The following LRP12 variants were observed in gnomAD, a reference collection of about 807,000 sequenced individuals.
The protein encoded by LRP12 is LDL receptor related protein 12, also known as low-density lipoprotein receptor-related protein 12.
LRP12 carries 14 observed loss-of-function variants against 66.0 expected under a neutral mutation model. That is an observed-to-expected ratio of 0.21 (90% confidence interval 0.14 to 0.33). LRP12 has a LOEUF of 0.33. LRP12 is among the 10% of genes least tolerant of loss of function. The pLI is 1.00. For missense variants in LRP12, 889 were observed against 1,053.4 expected, an observed-to-expected ratio of 0.84 and a Z score of 2.16; for synonymous variants, 357 against 359.1, an observed-to-expected ratio of 0.99 and a Z score of 0.07.
intron 2 of LRP12, among the ~76,000 whole-genome samples, chr8:104,516,108 TTAGATA>T (rs1234612944): frequency 6.6e-6 from 1 of 152,160 alleles, no homozygotes; most frequent in Non-Finnish European, 1.5e-5. Context: ...TGAGTTATCT[TTAGATA>T]TAAACAAATA....
chr8:104,580,454 C>G (rs563877386), intron 1 of LRP12, among the ~76,000 whole-genome samples: 1 of 151,448 alleles, frequency 6.6e-6, no homozygotes, highest in Admixed American at 6.6e-5. Context: ...GGCATGAACC[C>G]GCGAGGCGGG....
chr8:104,576,993 A>T (rs1311928689), intron 1 of LRP12, among the ~76,000 whole-genome samples: 1 of 152,214 alleles, frequency 6.6e-6, no homozygotes, highest in Non-Finnish European at 1.5e-5. Context: ...GAAAAAGACA[A>T]AGAAGAACAT....
At chr8:104,547,061 ACT>A (rs1362220591) in intron 1 of LRP12, among the ~76,000 whole-genome samples, 2 of 144,222 alleles carry the variant, frequency 1.4e-5, no homozygotes, top group Non-Finnish European at 3.0e-5. Context: ...ATTATATCAT[ACT>A]TTGTATACAA....
chr8:104,534,492 T>C (rs1811368086), intron 1 of LRP12, among the ~76,000 whole-genome samples: 1 of 152,034 alleles, frequency 6.6e-6, no homozygotes, highest in African/African-American at 2.4e-5. Flanking sequence ...GAACAGAATA[T>C]ATAGTTCATT....
intron 3 of LRP12, chr8:104,505,704 C>T (rs1340073784): frequency 6.6e-6 from 1 of 152,004 alleles, no homozygotes; most frequent in Non-Finnish European, 1.5e-5. Flanking sequence ...CATCTAGCTT[C>T]CTGTCTTTTT....
chr8:104,547,581 T>TA (rs1811602627), intron 1 of LRP12, among the ~76,000 whole-genome samples: 2 of 121,218 alleles, frequency 1.6e-5, no homozygotes, highest in Admixed American at 9.6e-5. Context: ...TTATTATATA[T>TA]TAATATATAA....
At chr8:104,587,258 C>T (rs1812348430) in intron 1 of LRP12, among the ~76,000 whole-genome samples, 1 of 152,190 alleles carries the variant, frequency 6.6e-6, no homozygotes, top group Non-Finnish European at 1.5e-5. Context: ...AGATACCTCT[C>T]AATTTCTTCT....
rs1430517605 is a variant in LRP12, at chr8:104,588,916, G to C, written c.-19C>G. On this transcript the variant is annotated 5_prime_UTR_variant, in exon 1 of 7. Transcript: ENST00000276654. ...AGGCCATAACCACAGCAGATGGAGA[G>C]AGAGAGGAGGAGACGGAGGAGGAGG... is the stretch of plus-strand genomic sequence containing the variant. The C allele has an allele frequency of 1.3e-6, 2 of 1,579,206 alleles. No individual in the cohort carries two copies. The highest frequency in any genetic ancestry group is 1.1e-5 in the South Asian group (1 of 87,262).
chr8:104,527,051 C>G (rs1334202710), intron 2 of LRP12, among the ~76,000 whole-genome samples: 294 of 149,364 alleles, frequency 2.0e-3, no homozygotes, highest in African/African-American at 7.2e-3. Flanking sequence ...CAAAAGAAGA[C>G]ATTTATGCAG....
intron 1 of LRP12, among the ~76,000 whole-genome samples, chr8:104,536,265 T>C (rs1468221290): frequency 6.6e-6 from 1 of 152,122 alleles, no homozygotes; most frequent in Non-Finnish European, 1.5e-5. Context: ...CTCTTGCCTT[T>C]GGATTTTCAT....
intron 3 of LRP12, chr8:104,504,243 C>T (rs895512996): frequency 6.6e-6 from 1 of 152,074 alleles, no homozygotes; most frequent in Non-Finnish European, 1.5e-5. Context: ...TTTATCTTCT[C>T]TTTTTCTTCA....
chr8:104,542,669 G>A lies in LRP12; in HGVS notation c.80-10706C>T, dbSNP rs369736560. On this transcript the variant is annotated intron_variant, in intron 1 of 6. Coordinates refer to ENST00000276654, the MANE Select transcript of LRP12 (RefSeq NM_013437.5). ...TTCCCCCAAAACATAACTTCTAGGAGCCTATTGCTGACTGGAGGCCTTACC... is the reference window on the plus strand; with the variant it reads ...TTCCCCCAAAACATAACTTCTAGGAACCTATTGCTGACTGGAGGCCTTACC... 1.2e-4 allele frequency among the ~76,000 whole-genome samples: 18 copies of A among 152,218 alleles called. No individual in the cohort carries two copies. In the East Asian group the frequency reaches 3.1e-3, roughly 26 times the overall value.
intron 1 of LRP12, among the ~76,000 whole-genome samples, chr8:104,540,736 C>A (rs1811463608): frequency 6.6e-6 from 1 of 151,982 alleles, no homozygotes; most frequent in Non-Finnish European, 1.5e-5. Context: ...AAACCCCATT[C>A]TTTTGTTGTT....
chr8:104,561,475 T>C (rs1031897085), intron 1 of LRP12, among the ~76,000 whole-genome samples: 1 of 152,190 alleles, frequency 6.6e-6, no homozygotes, highest in Non-Finnish European at 1.5e-5. Flanking sequence ...TTCATTAGGG[T>C]TGGCAAAATG....
In LRP12 at chr8:104,499,563, A is replaced by G. The variant is rs188633896; in HGVS notation, c.273-44T>C. On this transcript the variant is annotated intron_variant, in intron 3 of 6. Coordinates refer to ENST00000276654, the MANE Select transcript of LRP12 (RefSeq NM_013437.5). ...ATGTCTATTAAAAAGTCAATTTTGG[A>G]AAAAAAAATCGTATTACAAAGTAAC... is the stretch of plus-strand genomic sequence containing the variant. 4.6e-4 allele frequency: 626 copies of G among 1,371,138 alleles called. 3 individuals carry two copies. The African/African-American group carries it at 8.2e-3, about 18-fold the overall frequency. 84.9% of individuals were successfully genotyped at this position (1,371,138 alleles called of 1,614,324 possible).
chr8:104,552,495 C>T (rs113258322), intron 1 of LRP12, among the ~76,000 whole-genome samples: 1,839 of 151,560 alleles, frequency 0.012, 35 homozygotes, highest in African/African-American at 0.041. Context: ...CATGGGGAAA[C>T]CCCTTCTCTA....
chr8:104,588,984 G>GCCGCCGCCA lies in LRP12; in HGVS notation c.-88_-87insTGGCGGCGG. The GCCGCCGCCA allele has an allele frequency of 2.4e-6, 2 of 832,228 alleles. No individual in the cohort carries two copies. The highest frequency in any genetic ancestry group is 3.6e-6 in the Non-Finnish European group (2 of 550,550). 51.6% of individuals were successfully genotyped at this position (832,228 alleles called of 1,614,324 possible). A position where few individuals can be genotyped will look rare whatever the true frequency, so the allele number is the denominator to read the frequency against. ...AGACGACGCCGACGCCGCCGCCGCCGCCGCCGCCGCCGCCGAGCCACCGGC... is the reference window on the plus strand; with the variant it reads ...AGACGACGCCGACGCCGCCGCCGCCGCCGCCGCCACCGCCGCCGCCGCCGAGCCACCGGC... On this transcript the variant is annotated 5_prime_UTR_variant, in exon 1 of 7. Transcript: ENST00000276654.
At chr8:104,542,332 T>C (rs1375803928) in intron 1 of LRP12, among the ~76,000 whole-genome samples, 1 of 152,208 alleles carries the variant, frequency 6.6e-6, no homozygotes, top group Admixed American at 6.5e-5. Flanking sequence ...CATTTCTTAA[T>C]TGGCTGGATT....
chr8:104,514,160 A>T (rs76023778), intron 2 of LRP12, among the ~76,000 whole-genome samples: 1,979 of 152,218 alleles, frequency 0.013, 48 homozygotes, highest in African/African-American at 0.044. Flanking sequence ...TTCTTAGGGA[A>T]CCAAGGCCTG....
Sources: allele counts gnomAD v4.1 joint callset (sites outside exome capture counted in the v4.1 genomes callset), GRCh38; gene constraint gnomAD v4.1.1; transcripts MANE v1.5; gene names NCBI Gene and HGNC (gene_info 2026-07-23, HGNC 2026-07-21).